Variants in GSDMA observed in about 807,000 individuals in gnomAD.
The protein encoded by GSDMA is gasdermin A.
A neutral mutation model predicts 54.3 loss-of-function variants in GSDMA; 55 were observed. The observed-to-expected ratio is 1.01, with a 90% CI of 0.82 to 1.27. The LOEUF (loss-of-function observed/expected upper bound fraction) is 1.27. Among genes scored for constraint, GSDMA ranks in the 50% most tolerant of loss-of-function variants. The probability of loss-of-function intolerance (pLI) is 0.00; values close to 1 mark genes in which losing one functional copy is unlikely to be tolerated. For missense variants in GSDMA, 542 were observed against 542.6 expected (o/e 1.00, Z 0.01); for synonymous variants, 211 against 224.7 (o/e 0.94, Z 0.54).
At position 39,973,790 on chromosome 17, in the gene GSDMA, T is replaced by C. The variant is rs1980069507; in HGVS notation, c.731-20T>C. 5 of 1,607,148 alleles carry C rather than the reference T, an allele frequency of 3.1e-6. No homozygotes were observed. The highest frequency in any genetic ancestry group is 3.4e-6 in the Non-Finnish European group (4 of 1,175,700). On this transcript the variant is annotated intron_variant, in intron 7 of 11. Coordinates refer to ENST00000301659, the MANE Select transcript of GSDMA (RefSeq NM_178171.5). ...CTGAAGGATTGCATTCTTATCTTTT[T>C]TTTTTCCTTTTTTTCTCAGTTATCC... is the stretch of plus-strand genomic sequence containing the variant.
At position 39,972,172 on chromosome 17, in the gene GSDMA, T is replaced by C; in HGVS notation, c.699T>C (p.Pro233=). ...ATGATAACATGCAAACCTTCCCTCC[T>C]GGAGGTAAGTGAAATTGCTTACGGG... The part of the protein sequence containing the change: ...ICNDNMQTFP[P]GEKSGEEKVI... The change falls in exon 6 of 12, where the codon CCT becomes CCC. Residue 233 remains proline, a synonymous_variant. Transcript: ENST00000301659. 2 of 1,442,030 alleles carry C rather than the reference T, an allele frequency of 1.4e-6. No individual in the cohort carries two copies. The highest frequency in any genetic ancestry group is 1.9e-6 in the Non-Finnish European group (2 of 1,073,568). The allele number at this position is 1,442,030 out of a possible 1,614,324, so 89.3% of individuals were successfully genotyped here.
intron 3 of GSDMA, among the ~76,000 whole-genome samples, chr17:39,968,874 G>A (rs1979800879): frequency 1.3e-5 from 2 of 152,276 alleles, no homozygotes; most frequent in South Asian, 2.1e-4. Context: ...ACCATTACAG[G>A]TGACAAACAG....
chr17:39,965,558 T>C, intron 1 of GSDMA, 125 bp from the exon 2 acceptor site: 1 of 668,718 alleles, frequency 1.5e-6, no homozygotes, highest in Non-Finnish European at 2.6e-6. Context: ...AATCCAGGCA[T>C]CTCTAAGAGC....
At chr17:39,963,860 GA>G (rs894582142) in intron 1 of GSDMA, among the ~76,000 whole-genome samples, 10 of 149,042 alleles carry the variant, frequency 6.7e-5, no homozygotes, top group East Asian at 2.0e-4. Flanking sequence ...ATCTCAAAAA[GA>G]AAAAAAAAAT....
rs1162962231 is a variant in GSDMA, at chr17:39,977,202, C to A, written c.*144C>A. ...GTCACCCATGATAACCAACTTCCAC[C>A]TGCCCAACCATATATCACCCCCTAC... is the stretch of plus-strand genomic sequence containing the variant. On this transcript the variant is annotated 3_prime_UTR_variant, in exon 12 of 12. Coordinates refer to ENST00000301659, the MANE Select transcript of GSDMA (RefSeq NM_178171.5). 2.1e-6 allele frequency: 2 copies of A among 936,680 alleles called. No homozygotes were observed. Among genetic ancestry groups the A allele is most frequent in the Admixed American group, 4.5e-5 (2 of 44,016 alleles). 58.0% of individuals were successfully genotyped at this position (936,680 alleles called of 1,614,324 possible). A position where few individuals can be genotyped will look rare whatever the true frequency, so the allele number is the denominator to read the frequency against.
At position 39,976,859 on chromosome 17, in the gene GSDMA, G is replaced by A; in HGVS notation, c.1139G>A (p.Gly380Asp). The change falls in exon 12 of 12, where the codon GGT becomes GAT. Residue 380 changes from glycine (G) to aspartate (D), a missense_variant. By Grantham distance (94) the Gly-to-Asp change is moderately conservative. Coordinates refer to ENST00000301659, the MANE Select transcript of GSDMA (RefSeq NM_178171.5). Reference protein sequence around the residue: ...MEQNFLLDKEGVFPLQPELLS... With the variant: ...MEQNFLLDKEDVFPLQPELLS... ...CAGAACTTCCTGCTGGATAAAGAGG[G>A]TGTTTTCCCCCTGCAACCTGAGCTG... 2 of 1,613,958 alleles carry A rather than the reference G, an allele frequency of 1.2e-6. No homozygotes were observed. Among genetic ancestry groups the A allele is most frequent in the Non-Finnish European group, 1.7e-6 (2 of 1,179,878 alleles).
chr17:39,974,368 C>T lies in GSDMA; in HGVS notation c.847C>T (p.Leu283Phe). Residue 283 changes from leucine to phenylalanine, a missense_variant, in exon 9 of 12, where the codon CTC (leucine) becomes TTC (phenylalanine). Leu to Phe is a conservative substitution (Grantham distance 22, BLOSUM62 0). Coordinates refer to ENST00000301659, the MANE Select transcript of GSDMA (RefSeq NM_178171.5). ...KLSRVGQSSL[L>F]SSLSKLLGKK... ...GAGCCGAGTAGGGCAAAGCTCCCTG[C>T]TCAGCTCCCTCAGCAAACTTCTAGG... 1 of 1,598,484 alleles carries T rather than the reference C, an allele frequency of 6.3e-7. No homozygotes were observed. Among genetic ancestry groups the T allele is most frequent in the Non-Finnish European group, 8.5e-7 (1 of 1,172,642 alleles).
chr17:39,969,080 G>A (rs1407196403), intron 3 of GSDMA, among the ~76,000 whole-genome samples: 1 of 152,114 alleles, frequency 6.6e-6, no homozygotes, highest in Admixed American at 6.5e-5. Flanking sequence ...TAGGAGCCAG[G>A]GGAGGAGTCT....
chr17:39,970,160 G>A (rs1346641008), intron 3 of GSDMA, among the ~76,000 whole-genome samples: 3 of 152,240 alleles, frequency 2.0e-5, no homozygotes, highest in South Asian at 2.1e-4. Flanking sequence ...ATCTACCCCC[G>A]AACTGGAGGA....
intron 1 of GSDMA, among the ~76,000 whole-genome samples, chr17:39,964,060 G>A (rs1315486946): frequency 6.6e-6 from 1 of 152,174 alleles, no homozygotes; most frequent in Non-Finnish European, 1.5e-5. Flanking sequence ...AGTCACAGAC[G>A]AGTTGCTGAT....
chr17:39,970,796 C>G, intron 4 of GSDMA, 149 bp downstream of exon 4: 1 of 530,664 alleles, frequency 1.9e-6, no homozygotes, highest in Non-Finnish European at 2.7e-6. Flanking sequence ...CACTCCTTCC[C>G]CCGGCTCTTA....
At chr17:39,966,049 G>C (rs1979645547) in intron 2 of GSDMA, 148 bp downstream of exon 2, 1 of 807,398 alleles carries the variant, frequency 1.2e-6, no homozygotes, top group Non-Finnish European at 1.9e-6. Context: ...TGAGGAGGCT[G>C]GTGGTCGGGG....
intron 7 of GSDMA, among the ~76,000 whole-genome samples, chr17:39,973,448 G>C (rs1264728412): frequency 6.6e-6 from 1 of 151,582 alleles, no homozygotes; most frequent in East Asian, 1.9e-4. Context: ...TTTTAGTATA[G>C]ATGGGGTTTC....
At chr17:39,972,322 C>T in intron 6 of GSDMA, 146 bp downstream of exon 6, 1 of 587,112 alleles carries the variant, frequency 1.7e-6, no homozygotes, top group Non-Finnish European at 2.9e-6. Context: ...AATACCTAGC[C>T]TCAACTTTAG....
intron 3 of GSDMA, 103 bp downstream of exon 3, chr17:39,966,540 C>T: frequency 9.4e-7 from 1 of 1,063,440 alleles, no homozygotes. Context: ...TTGCACTGAC[C>T]TTTGCCAATG....
intron 1 of GSDMA, among the ~76,000 whole-genome samples, chr17:39,963,345 G>GAAA (rs34763545): frequency 0.041 from 6,011 of 145,704 alleles, 158 homozygotes; most frequent in Middle Eastern, 0.088. Flanking sequence ...GAATGAGGGT[G>GAAA]AAAAAAAAAA....
intron 4 of GSDMA, among the ~76,000 whole-genome samples, chr17:39,971,063 T>A (rs1268107795): frequency 6.6e-6 from 1 of 152,248 alleles, no homozygotes; most frequent in Non-Finnish European, 1.5e-5. Flanking sequence ...ATGGTCTCCA[T>A]ACCTCTATCT....
Position 39,965,882 on chromosome 17 carries a change from G to A in GSDMA, c.195G>A (p.Glu65=). The A allele has an allele frequency of 6.4e-7, 1 of 1,555,158 alleles. No homozygotes were observed. Among genetic ancestry groups the A allele is most frequent in the Admixed American group, 2.0e-5 (1 of 51,228 alleles). ...ACTACACGCTGCTGGATGTGCTTGA[G>A]CCCGGCAGCTCACCTTCAGGTCAGC... ...RTDYTLLDVL[E]PGSSPSDPTD... The change falls in exon 2 of 12, where the codon GAG becomes GAA. Residue 65 remains glutamate, a synonymous_variant. Transcript: ENST00000301659.
Position 39,965,753 on chromosome 17 carries a change from A to G in GSDMA, c.66A>G (p.Thr22=). The G allele has an allele frequency of 6.2e-7, 1 of 1,611,864 alleles. No individual in the cohort carries two copies. Among genetic ancestry groups the G allele is most frequent in the Non-Finnish European group, 8.5e-7 (1 of 1,179,014 alleles). ...AGCTAAACCCTCGAGGGGACCTGAC[A>G]CCACTTGACAGCCTCATCGACTTCA... ...ARQLNPRGDL[T]PLDSLIDFKR... is the part of the protein sequence containing the mutation. The change falls in exon 2 of 12, where the codon ACA becomes ACG. Residue 22 remains threonine (T), a synonymous_variant. Coordinates refer to ENST00000301659, the MANE Select transcript of GSDMA (RefSeq NM_178171.5).
Sources: allele counts gnomAD v4.1 joint callset (sites outside exome capture counted in the v4.1 genomes callset), GRCh38; gene constraint gnomAD v4.1.1; transcripts MANE v1.5; gene names NCBI Gene and HGNC (gene_info 2026-07-23, HGNC 2026-07-21).